The following SLC24A2 variants were observed in gnomAD, a reference collection of about 807,000 sequenced individuals.
SLC24A2 encodes the protein solute carrier family 24 member 2, also known as sodium/potassium/calcium exchanger 2.
In SLC24A2, 36 loss-of-function variants were observed where a neutral mutation model predicts 62.0. That is an observed-to-expected ratio of 0.58 (90% confidence interval 0.44 to 0.77). The LOEUF (loss-of-function observed/expected upper bound fraction) is 0.77. SLC24A2 is among the 30% of genes least tolerant of loss of function. The pLI is 0.00. For missense variants in SLC24A2, 846 were observed against 817.9 expected (o/e 1.03, Z -0.42); for synonymous variants, 358 against 294.0 (o/e 1.22, Z -2.23).
the SLC24A2 span, among the ~76,000 whole-genome samples, chr9:19,962,387 C>T: frequency 2.0e-5 from 3 of 152,076 alleles, no homozygotes; most frequent in South Asian, 6.2e-4. Flanking sequence ...TAGTTTTTTC[C>T]AATTCTGTGA....
At chr9:19,769,608 T>C (rs1822623690) in intron 2 of SLC24A2, among the ~76,000 whole-genome samples, 1 of 152,234 alleles carries the variant, frequency 6.6e-6, no homozygotes. Flanking sequence ...TTCTATGTTC[T>C]TATGGTTCTT....
the SLC24A2 span, among the ~76,000 whole-genome samples, chr9:19,921,615 T>C: frequency 1.3e-5 from 2 of 152,186 alleles, no homozygotes; most frequent in African/African-American, 4.8e-5. Flanking sequence ...ACCTCATTTT[T>C]CATGCATACA....
intron 5 of SLC24A2, among the ~76,000 whole-genome samples, chr9:19,581,851 G>C (rs893092627): frequency 1.3e-5 from 2 of 152,150 alleles, no homozygotes; most frequent in African/African-American, 4.8e-5. Context: ...TTTTCAAGGT[G>C]AGTGAAGGAG....
intron 2 of SLC24A2, among the ~76,000 whole-genome samples, chr9:19,700,474 C>T (rs772322474): frequency 6.6e-6 from 1 of 152,074 alleles, no homozygotes; most frequent in Non-Finnish European, 1.5e-5. Flanking sequence ...GATTCTTTTT[C>T]CTTTCTCCAC....
intron 2 of SLC24A2, among the ~76,000 whole-genome samples, chr9:19,648,792 G>A (rs1476222614): frequency 1.3e-5 from 2 of 151,988 alleles, no homozygotes; most frequent in Non-Finnish European, 2.9e-5. Context: ...CTATAAAAGG[G>A]TCAATCTGTA....
At chr9:19,585,235 C>G (rs1168722909) in intron 5 of SLC24A2, among the ~76,000 whole-genome samples, 1 of 152,094 alleles carries the variant, frequency 6.6e-6, no homozygotes, top group African/African-American at 2.4e-5. Context: ...ACTTAGTATT[C>G]AATTATTTAT....
the SLC24A2 span, among the ~76,000 whole-genome samples, chr9:20,139,397 C>G: frequency 6.6e-6 from 1 of 152,084 alleles, no homozygotes; most frequent in Non-Finnish European, 1.5e-5. Context: ...CTATTGTGAG[C>G]AATGAATGAA....
At chr9:19,636,306 TTTCTTTTCTTTTCTTTCTTTCTTTC>T (rs1460594580) in intron 2 of SLC24A2, among the ~76,000 whole-genome samples, 1 of 42,100 alleles carries the variant, frequency 2.4e-5, no homozygotes, top group African/African-American at 1.0e-4. Context: ...TTTCTTTTCT[TTTCTTTTCTTTTCTTTCTTTCTTTC>T]TTTCTTTCTT....
chr9:20,218,952 A>C, the SLC24A2 span, among the ~76,000 whole-genome samples: 1 of 152,168 alleles, frequency 6.6e-6, no homozygotes, highest in African/African-American at 2.4e-5. Flanking sequence ...TGTATGCAGC[A>C]ATCCTATTGA....
intron 8 of SLC24A2, among the ~76,000 whole-genome samples, chr9:19,546,577 T>G (rs1834584600): frequency 6.6e-6 from 1 of 152,168 alleles, no homozygotes; most frequent in African/African-American, 2.4e-5. Flanking sequence ...CAGACTGTTG[T>G]GCTGGCAGCA....
the SLC24A2 span, among the ~76,000 whole-genome samples, chr9:19,864,468 A>G: frequency 6.6e-6 from 1 of 152,050 alleles, no homozygotes; most frequent in African/African-American, 2.4e-5. Flanking sequence ...AGAAAAACAA[A>G]TTCAAATTTA....
chr9:19,581,917 T>C (rs1335939721), intron 5 of SLC24A2, among the ~76,000 whole-genome samples: 1 of 152,222 alleles, frequency 6.6e-6, no homozygotes, highest in Non-Finnish European at 1.5e-5. Flanking sequence ...TGTGGTCTCT[T>C]GTGGTCTAAA....
At chr9:19,884,393 T>C in the SLC24A2 span, among the ~76,000 whole-genome samples, 1 of 152,130 alleles carries the variant, frequency 6.6e-6, no homozygotes, top group African/African-American at 2.4e-5. Flanking sequence ...TGGTTCTATA[T>C]CTGGGTTTTG....
At chr9:19,964,653 T>C in the SLC24A2 span, among the ~76,000 whole-genome samples, 1 of 152,150 alleles carries the variant, frequency 6.6e-6, no homozygotes, top group African/African-American at 2.4e-5. Flanking sequence ...CTTTCTTCTA[T>C]GTTTCTAGGC....
chr9:19,972,557 G>A, the SLC24A2 span, among the ~76,000 whole-genome samples: 2 of 152,108 alleles, frequency 1.3e-5, no homozygotes, highest in African/African-American at 4.8e-5. Context: ...GGCAGGCTGT[G>A]AACTCTTTCT....
chr9:19,621,904 A>C (rs1231710620), intron 3 of SLC24A2, among the ~76,000 whole-genome samples: 1 of 152,208 alleles, frequency 6.6e-6, no homozygotes, highest in Non-Finnish European at 1.5e-5. Flanking sequence ...GCAGATACAC[A>C]AAGAAAACAA....
chr9:19,967,505 T>C, the SLC24A2 span: 1 of 152,290 alleles, frequency 6.6e-6, no homozygotes, highest in Non-Finnish European at 1.5e-5. Flanking sequence ...CAGAAGCTTA[T>C]TCATTAGCAT....
the SLC24A2 span, among the ~76,000 whole-genome samples, chr9:20,204,056 T>G: frequency 1.3e-5 from 2 of 152,192 alleles, no homozygotes; most frequent in Non-Finnish European, 2.9e-5. Context: ...AAAAACACAT[T>G]CAGAGTTTAA....
At chr9:20,129,591 C>T in the SLC24A2 span, among the ~76,000 whole-genome samples, 1 of 151,960 alleles carries the variant, frequency 6.6e-6, no homozygotes. Context: ...GAATATTATT[C>T]ACTCATAAAA....
Sources: allele counts gnomAD v4.1 joint callset (sites outside exome capture counted in the v4.1 genomes callset), GRCh38; gene constraint gnomAD v4.1.1; transcripts MANE v1.5; gene names NCBI Gene and HGNC (gene_info 2026-07-23, HGNC 2026-07-21).